Variants in ALG12 observed in about 807,000 individuals in gnomAD.
The protein encoded by ALG12 is ALG12 alpha-1,6-mannosyltransferase, also known as dol-P-Man:Man(7)GlcNAc(2)-PP-Dol alpha-1,6-mannosyltransferase.
A neutral mutation model predicts 46.0 loss-of-function variants in ALG12; 36 were observed. That is an observed-to-expected ratio of 0.78 (90% CI 0.60 to 1.03). The LOEUF is 1.03. Among genes scored for constraint, ALG12 ranks in the 50% least tolerant of loss-of-function variants. The pLI, the probability that ALG12 is intolerant of heterozygous loss-of-function variation, is 0.00. For synonymous variants in ALG12, 326 were observed against 291.6 expected, an observed-to-expected ratio of 1.12 and a Z score of -1.20; for missense variants, 599 against 633.5, an observed-to-expected ratio of 0.95 and a Z score of 0.58.
the ALG12 span, among the ~76,000 whole-genome samples, chr22:49,863,030 A>G: frequency 5.9e-5 from 9 of 152,016 alleles, no homozygotes; most frequent in Non-Finnish European, 8.8e-5. Context: ...TACAGGTTAC[A>G]TTATCCACCC....
the ALG12 span, chr22:49,886,270 C>T: frequency 1.5e-6 from 2 of 1,343,262 alleles, no homozygotes; most frequent in East Asian, 2.3e-5. This position sits in a 1 kb window ranked among gnomAD's most constrained non-coding sequence, Gnocchi z 7.7. Flanking sequence ...GAAGGAGAAA[C>T]TGGCCGAGCT....
At position 49,904,206 on chromosome 22, in the gene ALG12, C is replaced by A. The variant is rs553349150; in HGVS notation, c.1211G>T (p.Arg404Leu). ...CCAGGCGCTGTTGACTTGGAGAAAC[C>A]GAGACACACCTGTCTGGGCGGCTGC... ...DVAAAQTGVS[R>L]FLQVNSAWRY... The change falls in exon 9 of 10, where the codon CGG becomes CTG. Residue 404 changes from arginine to leucine, a missense_variant. Arg to Leu is a moderately radical substitution (Grantham distance 102). Transcript: ENST00000330817. 14 of 1,614,210 alleles carry A rather than the reference C, an allele frequency of 8.7e-6. No homozygotes were observed. Among genetic ancestry groups the A allele is most frequent in the Non-Finnish European group, 1.2e-5 (14 of 1,180,024 alleles).
At position 49,900,615 on chromosome 22, in the gene ALG12, A is replaced by G. The variant is rs2060500043; in HGVS notation, c.*3223T>C. On this transcript the variant is annotated 3_prime_UTR_variant, in exon 10 of 10. Coordinates refer to ENST00000330817, the MANE Select transcript of ALG12 (RefSeq NM_024105.4). ...TCTTCATGGTGGGTTTGTTTTTGCA[A>G]TCCTGTGGCAAAGCTGCACTGGAGC... 1 of 152,174 alleles carries G rather than the reference A, an allele frequency of 6.6e-6. No homozygotes were observed. The highest frequency in any genetic ancestry group is 2.1e-4 in the South Asian group (1 of 4,828). The allele number at this position is 152,174 out of a possible 1,614,324, so 9.4% of individuals were successfully genotyped here.
Position 49,902,133 on chromosome 22 carries a change from C to T in ALG12, c.*1705G>A. 8.2e-6 allele frequency: 1 copy of T among 122,658 alleles called. No homozygotes were observed. Among genetic ancestry groups the T allele is most frequent in the Admixed American group, 8.0e-5 (1 of 12,520 alleles). The allele number at this position is 122,658 out of a possible 1,614,324, so 7.6% of individuals were successfully genotyped here. A position where few individuals can be genotyped will look rare whatever the true frequency, so the allele number is the denominator to read the frequency against. Reference sequence around the variant, plus strand: ...ATGCATGGTAATGTGCACGTGTGCACTGTGTGTGGTGTGTATGCATGGTGT... The same window carrying T: ...ATGCATGGTAATGTGCACGTGTGCATTGTGTGTGGTGTGTATGCATGGTGT... On this transcript the variant is annotated 3_prime_UTR_variant, in exon 10 of 10. Coordinates refer to ENST00000330817, the MANE Select transcript of ALG12 (RefSeq NM_024105.4).
chr22:49,888,178 A>G, the ALG12 span: 4 of 167,344 alleles, frequency 2.4e-5, no homozygotes, highest in African/African-American at 9.6e-5. Context: ...GATATTTTCA[A>G]ATCCCAAGGA....
At chr22:49,861,611 T>A in the ALG12 span, among the ~76,000 whole-genome samples, 1 of 152,098 alleles carries the variant, frequency 6.6e-6, no homozygotes, top group African/African-American at 2.4e-5. Context: ...TTTTTTCAAA[T>A]TTTTTGTAGA....
At chr22:49,886,613 C>G in the ALG12 span, 1 of 1,576,428 alleles carries the variant, frequency 6.3e-7, no homozygotes, top group South Asian at 1.2e-5. This position sits in a 1 kb window ranked among gnomAD's most constrained non-coding sequence, Gnocchi z 7.7. Context: ...ATGCTGCGCT[C>G]TCTGAAGGAG....
the ALG12 span, among the ~76,000 whole-genome samples, chr22:49,862,368 A>G: frequency 6.6e-6 from 1 of 152,258 alleles, no homozygotes; most frequent in South Asian, 2.1e-4. Flanking sequence ...GCCTGCAAGT[A>G]GCTGGGACTA....
chr22:49,882,988 A>T, the ALG12 span, among the ~76,000 whole-genome samples: 2 of 152,232 alleles, frequency 1.3e-5, no homozygotes, highest in Admixed American at 1.3e-4. Context: ...AGCTTTGCTG[A>T]TTATAGCAGC....
chr22:49,913,538 C>G (rs1351043906), intron 2 of ALG12, 21 bp from the exon 3 acceptor site: 1 of 1,613,846 alleles, frequency 6.2e-7, no homozygotes, highest in Non-Finnish European at 8.5e-7. Flanking sequence ...AAGGGCAGGT[C>G]AGTGCACCGG....
Position 49,910,615 on chromosome 22 carries a change from A to G in ALG12, c.296-8T>C, listed in dbSNP as rs1481183807. On this transcript the variant is annotated splice_region_variant and splice_polypyrimidine_tract_variant and intron_variant, in intron 3 of 9. Coordinates refer to ENST00000330817, the MANE Select transcript of ALG12 (RefSeq NM_024105.4). ...GTCCAAGCACTCCTCTAACTAAACA[A>G]AGACAGTGACAGCACCTGAGCCTGC... 6.2e-7 allele frequency: 1 copy of G among 1,613,950 alleles called. No homozygotes were observed.
At chr22:49,884,072 T>C in the ALG12 span, 8 of 1,609,910 alleles carry the variant, frequency 5.0e-6, no homozygotes, top group East Asian at 2.2e-5. Context: ...GCAATATGCA[T>C]GTACTGTGTG....
chr22:49,868,252 A>G, the ALG12 span, among the ~76,000 whole-genome samples: 1 of 152,228 alleles, frequency 6.6e-6, no homozygotes, highest in Non-Finnish European at 1.5e-5. Flanking sequence ...TGGGGAAACT[A>G]AAAAATAAAA....
Position 49,909,247 on chromosome 22 carries a change from C to T in ALG12, c.765G>A (p.Trp255Ter). 6.2e-7 allele frequency: 1 copy of T among 1,614,116 alleles called. No homozygotes were observed. The highest frequency in any genetic ancestry group is 2.2e-5 in the East Asian group (1 of 44,884). The change falls in exon 6 of 10, where the codon TGG becomes TGA. Residue 255 changes from tryptophan to a stop codon, truncating the protein, a stop_gained. Coordinates refer to ENST00000330817, the MANE Select transcript of ALG12 (RefSeq NM_024105.4). LOFTEE classifies it high-confidence loss of function. Reference protein sequence around the residue: ...YNTVLNKSSNWGTSPLLWYFY... With the variant: ...YNTVLNKSSN ...CTGCACGGACACTGAAGGATACCCC[C>T]CAGTTGGAGCTTTTGTTCAGGACAG...
At chr22:49,883,819 G>T in the ALG12 span, 1 of 1,612,996 alleles carries the variant, frequency 6.2e-7, no homozygotes, top group Non-Finnish European at 8.5e-7. Context: ...GAAGCAGACA[G>T]ACAGCGGTGG....
At chr22:49,885,249 C>G in the ALG12 span, 1 of 1,605,572 alleles carries the variant, frequency 6.2e-7, no homozygotes, top group East Asian at 2.2e-5. Context: ...CCACTTTGGC[C>G]TCTGCAGAAA....
chr22:49,915,091 T>C (rs2146616964), intron 1 of ALG12, among the ~76,000 whole-genome samples: 1 of 152,202 alleles, frequency 6.6e-6, no homozygotes, highest in East Asian at 1.9e-4. Context: ...CAAAGGAAAA[T>C]CTGTAGATTA....
the ALG12 span, chr22:49,888,982 T>C: frequency 1.8e-5 from 3 of 167,288 alleles, no homozygotes; most frequent in South Asian, 6.2e-4. Flanking sequence ...TTCTTAAGAT[T>C]GTATTTGGAA....
downstream of ALG12, among the ~76,000 whole-genome samples, chr22:49,897,362 C>A (rs190599205): frequency 2.8e-4 from 42 of 152,288 alleles, no homozygotes; most frequent in African/African-American, 9.9e-4. Context: ...ATTGCTGGAT[C>A]ACAGGGTAAG....
Sources: gnomAD v4.1 joint callset for allele counts (sites outside exome capture counted in the v4.1 genomes callset) on GRCh38, gnomAD v4.1.1 for gene constraint, Gnocchi (gnomAD v3.1) non-coding constraint, MANE v1.5 for transcripts, NCBI Gene and HGNC (gene_info 2026-07-23, HGNC 2026-07-21) for gene names.